NAA16: variants seen among roughly 807,000 people sequenced by gnomAD.
NAA16 encodes the protein NARG1-like protein.
NAA16 carries 97 observed loss-of-function variants against 110.3 expected under a neutral mutation model. That is an observed-to-expected ratio of 0.88 (90% CI 0.75 to 1.04). The LOEUF (loss-of-function observed/expected upper bound fraction) is 1.04. Ranked by LOEUF, NAA16 falls within the 50% of genes least tolerant of loss-of-function variation. The pLI is 0.00. For synonymous variants in NAA16, 372 were observed against 330.6 expected, an observed-to-expected ratio of 1.13 and a Z score of -1.36; for missense variants, 1,017 against 1,005.1, an observed-to-expected ratio of 1.01 and a Z score of -0.16.
Position 41,336,751 on chromosome 13 carries a change from G to A in NAA16, c.1009G>A (p.Glu337Lys), listed in dbSNP as rs545272412. ...TTTGAAATCTTTATATTACAATACA[G>A]AAAAGGTAAAATTTGGTATTTATTC... ...TTLKSLYYNT[E>K]KVSIIQELVT... Residue 337 changes from glutamate to lysine, a missense_variant, in exon 9 of 20, where the codon GAA (glutamate) becomes AAA (lysine). Transcript: ENST00000379406. 2 of 1,573,460 alleles carry A rather than the reference G, an allele frequency of 1.3e-6. No individual in the cohort carries two copies. The highest frequency in any genetic ancestry group is 2.7e-5 in the African/African-American group (2 of 73,736).
chr13:41,323,574 G>A (rs1484193442), intron 5 of NAA16, among the ~76,000 whole-genome samples: 2 of 150,868 alleles, frequency 1.3e-5, no homozygotes, highest in Admixed American at 6.6e-5. Flanking sequence ...GGATGGTCTC[G>A]ATCTTCCGAC....
intron 8 of NAA16, among the ~76,000 whole-genome samples, chr13:41,334,724 T>G (rs1466272917): frequency 6.6e-6 from 1 of 152,196 alleles, no homozygotes; most frequent in Non-Finnish European, 1.5e-5. Flanking sequence ...TTAGGTGATG[T>G]ATTCACACAG....
chr13:41,327,905 A>G (rs761240094), intron 6 of NAA16: 1 of 151,576 alleles, frequency 6.6e-6, no homozygotes, highest in African/African-American at 2.4e-5. Flanking sequence ...TAAAAATAGT[A>G]AAAAAAATAG....
intron 2 of NAA16, 38 bp from the exon 3 acceptor site, chr13:41,318,768 G>A: frequency 8.8e-7 from 1 of 1,130,358 alleles, no homozygotes; most frequent in Non-Finnish European, 1.3e-6. Flanking sequence ...GAATAATTTT[G>A]TGTCATTTGT....
chr13:41,330,550 C>T (rs2042212089), intron 7 of NAA16, among the ~76,000 whole-genome samples: 1 of 151,948 alleles, frequency 6.6e-6, no homozygotes, highest in Non-Finnish European at 1.5e-5. Context: ...GCTTATAAAT[C>T]TCTTTGTGAA....
At chr13:41,367,689 A>G (rs61963967) in intron 14 of NAA16, 37 bp downstream of exon 14, 15,608 of 1,396,736 alleles carry the variant, frequency 0.011, 116 homozygotes, top group Middle Eastern at 0.026. Context: ...TTAAAAGGAC[A>G]CTAAATTTCA....
chr13:41,325,632 T>C, intron 5 of NAA16, 66 bp from the exon 6 acceptor site: 1 of 1,055,912 alleles, frequency 9.5e-7, no homozygotes, highest in Non-Finnish European at 1.3e-6. Flanking sequence ...GAAGGCAGTT[T>C]AATTAAAGGT....
At chr13:41,338,316 G>A (rs942262344) in intron 9 of NAA16, among the ~76,000 whole-genome samples, 1 of 152,132 alleles carries the variant, frequency 6.6e-6, no homozygotes, top group Non-Finnish European at 1.5e-5. Flanking sequence ...ACAGGGTGTT[G>A]TTCATAGGCA....
chr13:41,351,440 G>A (rs1483395612), intron 9 of NAA16, among the ~76,000 whole-genome samples: 1 of 152,154 alleles, frequency 6.6e-6, no homozygotes, highest in Non-Finnish European at 1.5e-5. Flanking sequence ...GGTCCTTGCT[G>A]GTAAAGTAGT....
chr13:41,311,399 G>T lies in NAA16; in HGVS notation c.-130G>T. The stretch of plus-strand genomic sequence containing the variant: ...GCCAGGCTGCCCAATTGCAACTGTA[G>T]ACCAATGAACTAATCCATCGCCCGC... On this transcript the variant is annotated 5_prime_UTR_variant, in exon 1 of 20. Transcript: ENST00000379406. The T allele has an allele frequency of 1.2e-6, 1 of 851,982 alleles. No homozygotes were observed. 52.8% of individuals were successfully genotyped at this position (851,982 alleles called of 1,614,324 possible). A position where few individuals can be genotyped will look rare whatever the true frequency, so the allele number is the denominator to read the frequency against.
intron 15 of NAA16, 71 bp from the exon 16 acceptor site, chr13:41,372,132 T>C (rs2043332594): frequency 2.4e-6 from 3 of 1,235,904 alleles, no homozygotes; most frequent in Non-Finnish European, 3.3e-6. Context: ...CATATGTTAA[T>C]ATAAAATTTT....
chr13:41,375,509 A>G lies in NAA16; in HGVS notation c.2502A>G (p.Thr834=), dbSNP rs41287007. Residue 834 remains threonine (T), a synonymous_variant, in exon 20 of 20, where the codon ACA becomes ACG. Coordinates refer to ENST00000379406, the MANE Select transcript of NAA16 (RefSeq NM_024561.5). ...RMACHNLLPF[T]SAFLPAVNEV... ...CCTGTCATAACCTGCTTCCTTTTAC[A>G]TCTGCCTTCTTGCCTGCTGTGAATG... 1.7e-4 allele frequency: 273 copies of G among 1,614,104 alleles called. No homozygotes were observed. Among genetic ancestry groups the G allele is most frequent in the Non-Finnish European group, 2.2e-4 (254 of 1,179,986 alleles).
intron 13 of NAA16, chr13:41,362,971 C>T: frequency 1.1e-6 from 1 of 929,200 alleles, no homozygotes. Context: ...TAGGGGGTGG[C>T]TTTTGATGGG....
At position 41,361,913 on chromosome 13, in the gene NAA16, T is replaced by C. The variant is rs897651223; in HGVS notation, c.1411-118T>C. 7 of 1,065,322 alleles carry C rather than the reference T, an allele frequency of 6.6e-6. No homozygotes were observed. The African/African-American group carries it at 8.3e-5, about 13-fold the overall frequency. The allele number at this position is 1,065,322 out of a possible 1,614,324, so 66.0% of individuals were successfully genotyped here. A position where few individuals can be genotyped will look rare whatever the true frequency, so the allele number is the denominator to read the frequency against. On this transcript the variant is annotated intron_variant, in intron 12 of 19. Coordinates refer to ENST00000379406, the MANE Select transcript of NAA16 (RefSeq NM_024561.5). ...AACCATGTTTGGAAACATACTGATA[T>C]ATTTGCTAATTGCTGCTATTGTCAT...
chr13:41,334,971 G>A (rs990392866), intron 8 of NAA16, among the ~76,000 whole-genome samples: 9 of 152,258 alleles, frequency 5.9e-5, no homozygotes, highest in African/African-American at 2.2e-4. Flanking sequence ...GCGCACCTGG[G>A]TTTTCTTTTC....
intron 9 of NAA16, among the ~76,000 whole-genome samples, chr13:41,351,641 T>G (rs550007280): frequency 6.6e-6 from 1 of 152,242 alleles, no homozygotes; most frequent in Non-Finnish European, 1.5e-5. Flanking sequence ...ATAACAGTTA[T>G]GGTATTATCT....
chr13:41,327,867 T>TA (rs1237172893), intron 6 of NAA16: 2 of 151,902 alleles, frequency 1.3e-5, no homozygotes, highest in Non-Finnish European at 2.9e-5. Flanking sequence ...AGTTCAGTCT[T>TA]ATTCTAGAGT....
At chr13:41,358,642 G>T in intron 11 of NAA16, 168 bp from the exon 12 acceptor site, 1 of 1,436,672 alleles carries the variant, frequency 7.0e-7, no homozygotes, top group Non-Finnish European at 9.2e-7. Context: ...GTAATTAGAT[G>T]TGTAATCATT....
At chr13:41,369,671 TGAG>T (rs2043278555) in intron 15 of NAA16, among the ~76,000 whole-genome samples, 1 of 152,126 alleles carries the variant, frequency 6.6e-6, no homozygotes, top group Non-Finnish European at 1.5e-5. Flanking sequence ...CCTTAAAAGT[TGAG>T]GATGCCAGCA....
Sources: allele counts gnomAD v4.1 joint callset (sites outside exome capture counted in the v4.1 genomes callset), GRCh38; gene constraint gnomAD v4.1.1; transcripts MANE v1.5; gene names NCBI Gene and HGNC (gene_info 2026-07-23, HGNC 2026-07-21).